Variants in SRGAP3 observed in about 807,000 individuals in gnomAD.
SRGAP3 encodes the protein SLIT-ROBO Rho GTPase activating protein 3.
Under a neutral mutation model 121.1 loss-of-function variants are expected in SRGAP3, and 39 were observed. That is an observed-to-expected ratio of 0.32 (90% CI 0.25 to 0.42). The LOEUF (loss-of-function observed/expected upper bound fraction) is 0.42. Among genes scored for constraint, SRGAP3 ranks in the 10% least tolerant of loss-of-function variants. SRGAP3 has a pLI of 1.00. For synonymous variants in SRGAP3, 601 were observed against 570.0 expected, an observed-to-expected ratio of 1.05 and a Z score of -0.77; for missense variants, 1,213 against 1,470.6, an observed-to-expected ratio of 0.82 and a Z score of 2.86.
In SRGAP3 at chr3:8,985,788, T is replaced by A. The variant is rs1264201004; in HGVS notation, c.3031A>T (p.Ser1011Cys). The A allele has an allele frequency of 1.2e-6, 2 of 1,600,158 alleles. No individual in the cohort carries two copies. Among genetic ancestry groups the A allele is most frequent in the South Asian group, 1.1e-5 (1 of 91,046 alleles). Residue 1011 changes from serine (S) to cysteine (C), a missense_variant, in exon 22 of 22, where the codon AGT (serine) becomes TGT (cysteine). Ser to Cys is a moderately radical substitution (Grantham distance 112). Transcript: ENST00000383836. This position sits in a 1 kb window ranked among gnomAD's most constrained non-coding sequence, Gnocchi z 5.1. ...CGGATGACGATGGTGTGAAGGGGAC[T>A]GGCGGGCTCCGAGCTGACGGGGCCT... ...PPGPVSSEPASPLHTIVIRDP... is the reference protein window; with the variant it reads ...PPGPVSSEPACPLHTIVIRDP...
rs542419398 is a variant in SRGAP3 at position 9,334,940 on chromosome 3, C to T, written n.215-4344G>A. On this transcript the variant is annotated intron_variant and non_coding_transcript_variant, in intron 1 of 3. Coordinates refer to the SRGAP3 transcript ENST00000490889. ...AAAGGCTTTGAAATCTGTCCAGTGT[C>T]TTCAGGGTAAGAGCCAGGCTGGAAA... 1.2e-4 allele frequency among the ~76,000 whole-genome samples: 19 copies of T among 152,286 alleles called. No individual in the cohort carries two copies. The South Asian group carries it at 3.5e-3, about 28-fold the overall frequency.
rs117374039 is a variant in SRGAP3, at chr3:9,025,648, C to T, written c.1601-310G>A. ...AGACATGTTCTGCCTTCAAGAAGAG[C>T]TAGACTCCAGAGTATATTCTGGCTG... On this transcript the variant is annotated intron_variant, in intron 13 of 21. Transcript: ENST00000383836. Among the ~76,000 whole-genome samples, 66 of 152,322 alleles carry T rather than the reference C, an allele frequency of 4.3e-4. No homozygotes were observed. In the East Asian group the frequency reaches 4.4e-3, roughly 10 times the overall value.
At chr3:9,305,387 AT>A (rs1455429918) in intron 3 of SRGAP3, among the ~76,000 whole-genome samples, 42 of 111,796 alleles carry the variant, frequency 3.8e-4, no homozygotes, top group Non-Finnish European at 1.9e-4. Flanking sequence ...TTTTTTTTAG[AT>A]TTTTTTTGTT....
intron 11 of SRGAP3, chr3:9,036,837 A>T (rs1441821944): frequency 6.6e-6 from 1 of 152,192 alleles, no homozygotes; most frequent in Non-Finnish European, 1.5e-5. Context: ...AAGAAAAAAA[A>T]ATTATAATGG....
chr3:9,316,058 A>T (rs866309153), intron 3 of SRGAP3, among the ~76,000 whole-genome samples: 46 of 151,706 alleles, frequency 3.0e-4, no homozygotes, highest in Non-Finnish European at 3.8e-4. Context: ...TATTGTATTT[A>T]TTTTTTTTGA....
chr3:9,351,905 T>C (rs1454425318), intron 1 of SRGAP3, among the ~76,000 whole-genome samples: 1 of 152,178 alleles, frequency 6.6e-6, no homozygotes, highest in Non-Finnish European at 1.5e-5. Flanking sequence ...GCTCTTCGTG[T>C]CCTTAGAGAA....
intron 3 of SRGAP3, among the ~76,000 whole-genome samples, chr3:9,269,144 T>C (rs956728647): frequency 5.9e-5 from 9 of 152,304 alleles, no homozygotes; most frequent in Admixed American, 4.6e-4. Flanking sequence ...TCTTGCAGGA[T>C]GAATAGAAAG....
At chr3:9,047,613 G>A in intron 9 of SRGAP3, 138 bp from the exon 10 acceptor site, 1 of 798,610 alleles carries the variant, frequency 1.3e-6, no homozygotes, top group South Asian at 1.5e-5. Context: ...AGGGAACAGA[G>A]AGGCCTCTGC....
chr3:9,141,692 CAGG>C (rs1398482722), intron 1 of SRGAP3, among the ~76,000 whole-genome samples: 1 of 151,698 alleles, frequency 6.6e-6, no homozygotes, highest in Non-Finnish European at 1.5e-5. Context: ...TTAGATTTTC[CAGG>C]AGGTCAGCCA....
chr3:9,146,807 G>A (rs560980954), intron 1 of SRGAP3, among the ~76,000 whole-genome samples: 1 of 152,314 alleles, frequency 6.6e-6, no homozygotes, highest in Non-Finnish European at 1.5e-5. Context: ...CGAGGACGAT[G>A]CGTCCCTCTT....
chr3:8,987,760 T>G (rs1343686406), intron 21 of SRGAP3, among the ~76,000 whole-genome samples: 1 of 150,044 alleles, frequency 6.7e-6, no homozygotes, highest in African/African-American at 2.5e-5. Context: ...TTGTGCCTTA[T>G]CCAAAAGGAG....
chr3:9,279,119 G>C (rs568245951), intron 3 of SRGAP3, among the ~76,000 whole-genome samples: 3 of 152,068 alleles, frequency 2.0e-5, no homozygotes, highest in Admixed American at 1.3e-4. Context: ...AAAAAAAAAG[G>C]GGGGGATATA....
intron 2 of SRGAP3, among the ~76,000 whole-genome samples, chr3:9,115,701 A>T (rs73019311): frequency 0.067 from 10,278 of 152,280 alleles, 411 homozygotes; most frequent in African/African-American, 0.082. Flanking sequence ...TTTGCAGGAG[A>T]AACTGGAATG....
intron 1 of SRGAP3, among the ~76,000 whole-genome samples, chr3:9,232,812 G>A (rs1953264356): frequency 2.0e-5 from 3 of 152,150 alleles, no homozygotes; most frequent in African/African-American, 7.2e-5. Context: ...TTTGTTACAA[G>A]TTCCTCCAAG....
intron 3 of SRGAP3, among the ~76,000 whole-genome samples, chr3:9,280,756 T>A (rs1468103996): frequency 6.6e-6 from 1 of 152,204 alleles, no homozygotes; most frequent in African/African-American, 2.4e-5. Context: ...ATCTGCTTTC[T>A]CTCCAATCTG....
At chr3:9,175,060 C>T (rs866906580) in intron 1 of SRGAP3, among the ~76,000 whole-genome samples, 33 of 152,288 alleles carry the variant, frequency 2.2e-4, no homozygotes, top group African/African-American at 7.9e-4. Flanking sequence ...TCCGAAACTC[C>T]CCGGGATGCT....
At position 9,053,212 on chromosome 3, in the gene SRGAP3, G is replaced by T. The variant is rs1302027126; in HGVS notation, c.1138C>A (p.Leu380Met). 1.2e-6 allele frequency: 2 copies of T among 1,613,968 alleles called. No homozygotes were observed. Among genetic ancestry groups the T allele is most frequent in the Admixed American group, 1.7e-5 (1 of 60,010 alleles). Residue 380 changes from leucine to methionine, a missense_variant, in exon 9 of 22, where the codon CTG (leucine) becomes ATG (methionine). This residue lies in a region of SRGAP3 where 793 missense variants were observed against 1,032.9 expected (regional missense o/e 0.77). Transcript: ENST00000383836. Reference protein sequence around the residue: ...KIENEEVRKTLDATMQTLQDM... With the variant: ...KIENEEVRKTMDATMQTLQDM... ...TGTAATGTCTGCATGGTGGCATCCAGGGTTTTCCTAACCTGGGGAAACACA... is the reference window on the plus strand; with the variant it reads ...TGTAATGTCTGCATGGTGGCATCCATGGTTTTCCTAACCTGGGGAAACACA...
intron 1 of SRGAP3, among the ~76,000 whole-genome samples, chr3:9,203,470 CAT>C (rs765337456): frequency 3.3e-5 from 5 of 152,334 alleles, no homozygotes; most frequent in East Asian, 1.9e-4. Flanking sequence ...GAACCGACCA[CAT>C]GTTTGTTTCC....
chr3:9,202,211 C>T (rs1017076918), intron 1 of SRGAP3, among the ~76,000 whole-genome samples: 10 of 152,200 alleles, frequency 6.6e-5, no homozygotes, highest in African/African-American at 2.2e-4. Context: ...ACAGCTATGG[C>T]GGGAGCAGCA....
Sources: allele counts gnomAD v4.1 joint callset (sites outside exome capture counted in the v4.1 genomes callset), GRCh38; gene constraint gnomAD v4.1.1; regional missense constraint gnomAD v4.1.1; non-coding constraint Gnocchi (gnomAD v3.1); transcripts MANE v1.5; gene names NCBI Gene and HGNC (gene_info 2026-07-23, HGNC 2026-07-21).